RANBP2: variants seen among roughly 807,000 people sequenced by gnomAD.
RANBP2 encodes the protein E3 SUMO-protein ligase RanBP2.
A neutral mutation model predicts 303.6 loss-of-function variants in RANBP2; 57 were observed. That is an observed-to-expected ratio of 0.19 (90% CI 0.15 to 0.23). The LOEUF (loss-of-function observed/expected upper bound fraction) is 0.23, where lower values mean the gene tolerates loss of function less well. Ranked by LOEUF, RANBP2 falls within the 10% of genes least tolerant of loss-of-function variation. The probability of loss-of-function intolerance (pLI) is 1.00; values close to 1 mark genes in which losing one functional copy is unlikely to be tolerated. For missense variants in RANBP2, 3,138 were observed against 3,780.8 expected (o/e 0.83, Z 4.46); for synonymous variants, 1,167 against 1,301.5 (o/e 0.90, Z 2.23).
At chr2:108,843,087 C>CCA in the RANBP2 span, among the ~76,000 whole-genome samples, 11 of 152,298 alleles carry the variant, frequency 7.2e-5, no homozygotes, top group Admixed American at 6.5e-4. Flanking sequence ...TCCAGATGTG[C>CCA]CACAGTTCCC....
the RANBP2 span, among the ~76,000 whole-genome samples, chr2:108,845,120 A>G: frequency 6.6e-6 from 1 of 152,296 alleles, no homozygotes; most frequent in East Asian, 1.9e-4. Flanking sequence ...TTTAAAAACA[A>G]AAAAAGTTTA....
chr2:109,385,516 C>T, the RANBP2 span, among the ~76,000 whole-genome samples: 6 of 152,220 alleles, frequency 3.9e-5, no homozygotes, highest in South Asian at 4.1e-4. Flanking sequence ...AGGTTTCATT[C>T]GATGTGAAGG....
chr2:109,113,377 T>C, the RANBP2 span, among the ~76,000 whole-genome samples: 1 of 152,094 alleles, frequency 6.6e-6, no homozygotes, highest in East Asian at 1.9e-4. Context: ...TTCCTAGGTA[T>C]TTTATTCTCT....
At chr2:109,369,753 A>G in the RANBP2 span, among the ~76,000 whole-genome samples, 5 of 152,158 alleles carry the variant, frequency 3.3e-5, no homozygotes, top group African/African-American at 1.2e-4. Context: ...TGTTAGATCA[A>G]TGCTGCCTCA....
At chr2:109,642,092 A>T in the RANBP2 span, among the ~76,000 whole-genome samples, 1 of 150,836 alleles carries the variant, frequency 6.6e-6, no homozygotes, top group Non-Finnish European at 1.5e-5. Context: ...GAGTGAACCA[A>T]TTTTTTTTGT....
At chr2:109,578,584 G>T in the RANBP2 span, among the ~76,000 whole-genome samples, 135,179 of 152,078 alleles carry the variant, frequency 0.89, 60,153 homozygotes, top group Middle Eastern at 0.97. Flanking sequence ...CTGGCCAACA[G>T]GGCGAAACCC....
chr2:108,987,124 T>C, the RANBP2 span, among the ~76,000 whole-genome samples: 2 of 152,200 alleles, frequency 1.3e-5, no homozygotes, highest in South Asian at 4.1e-4. Context: ...CCAAACACCA[T>C]CCTGTTTACA....
chr2:109,110,027 T>A, the RANBP2 span, among the ~76,000 whole-genome samples: 1 of 152,154 alleles, frequency 6.6e-6, no homozygotes, highest in Admixed American at 6.5e-5. Context: ...GAACCTCTCC[T>A]CTCAGATCCT....
the RANBP2 span, among the ~76,000 whole-genome samples, chr2:109,069,835 G>T: frequency 6.6e-6 from 1 of 151,972 alleles, no homozygotes; most frequent in African/African-American, 2.4e-5. Context: ...CATTATTTGT[G>T]CTGGGCAGTG....
the RANBP2 span, among the ~76,000 whole-genome samples, chr2:108,831,307 A>C: frequency 1.3e-5 from 2 of 152,350 alleles, no homozygotes; most frequent in East Asian, 3.9e-4. Flanking sequence ...GTGATTTTGC[A>C]AAGAGTTCAC....
chr2:109,194,156 A>G, the RANBP2 span, among the ~76,000 whole-genome samples: 1 of 152,220 alleles, frequency 6.6e-6, no homozygotes, highest in Non-Finnish European at 1.5e-5. Context: ...ACATGTGTCC[A>G]AGCCCTTCCC....
At chr2:108,896,567 C>A in the RANBP2 span, 2 of 269,412 alleles carry the variant, frequency 7.4e-6, no homozygotes, top group Non-Finnish European at 1.4e-5. Flanking sequence ...TTCTTCACTT[C>A]TGTCATTCCC....
the RANBP2 span, among the ~76,000 whole-genome samples, chr2:109,057,498 C>T: frequency 6.6e-6 from 1 of 152,132 alleles, no homozygotes; most frequent in African/African-American, 2.4e-5. Flanking sequence ...ATTGCGGAGT[C>T]GAAGGGCAAA....
At chr2:108,876,224 A>C in the RANBP2 span, 2 of 1,612,616 alleles carry the variant, frequency 1.2e-6, no homozygotes, top group South Asian at 1.1e-5. Context: ...AACAAAATGT[A>C]ACTCCCTGGT....
chr2:109,125,946 A>G, the RANBP2 span, among the ~76,000 whole-genome samples: 3 of 152,212 alleles, frequency 2.0e-5, no homozygotes, highest in Admixed American at 2.0e-4. Context: ...TTTGGCTAAT[A>G]TGGTGGTTTT....
the RANBP2 span, among the ~76,000 whole-genome samples, chr2:109,733,890 G>T: frequency 1.3e-5 from 2 of 151,434 alleles, no homozygotes; most frequent in African/African-American, 4.8e-5. Context: ...AAAAAATGTC[G>T]GCCGGGCGCA....
At chr2:108,943,392 T>C in the RANBP2 span, among the ~76,000 whole-genome samples, 3 of 152,202 alleles carry the variant, frequency 2.0e-5, no homozygotes, top group Non-Finnish European at 4.4e-5. Context: ...ATTCTTTATA[T>C]AGTTAAATTA....
chr2:108,843,490 G>C, the RANBP2 span, among the ~76,000 whole-genome samples: 1 of 152,178 alleles, frequency 6.6e-6, no homozygotes, highest in Non-Finnish European at 1.5e-5. Context: ...CAAACTCTTA[G>C]TTTTTCTTAA....
At chr2:109,322,764 G>C in the RANBP2 span, among the ~76,000 whole-genome samples, 1 of 152,200 alleles carries the variant, frequency 6.6e-6, no homozygotes, top group Non-Finnish European at 1.5e-5. Context: ...AGCAAATAAG[G>C]ATTCAAATAA....
Sources: gnomAD v4.1 joint callset for allele counts (sites outside exome capture counted in the v4.1 genomes callset) on GRCh38, gnomAD v4.1.1 for gene constraint, MANE v1.5 for transcripts, NCBI Gene and HGNC (gene_info 2026-07-23, HGNC 2026-07-21) for gene names.